ATP2B2: variants seen among roughly 807,000 people sequenced by gnomAD.
ATP2B2 encodes the protein ATPase plasma membrane Ca2+ transporting 2.
Under a neutral mutation model 120.0 loss-of-function variants are expected in ATP2B2, and 15 were observed. The ratio of observed to expected loss-of-function variants is 0.12; its 90% confidence interval spans 0.08 to 0.19. The LOEUF is 0.19. ATP2B2 is among the 10% of genes least tolerant of loss of function. The pLI is 1.00. For synonymous variants in ATP2B2, 694 were observed against 700.3 expected (o/e 0.99, Z 0.14); for missense variants, 1,045 against 1,719.8 (o/e 0.61, Z 6.94).
intron 1 of ATP2B2, among the ~76,000 whole-genome samples, chr3:10,496,484 C>G (rs890335954): frequency 6.6e-6 from 1 of 152,232 alleles, no homozygotes; most frequent in Non-Finnish European, 1.5e-5. Context: ...AGAGCCAAAC[C>G]TGGGGCGCAG....
At chr3:10,488,188 T>G (rs1190194625) in intron 1 of ATP2B2, among the ~76,000 whole-genome samples, 2 of 145,658 alleles carry the variant, frequency 1.4e-5, no homozygotes, top group Non-Finnish European at 3.0e-5. Context: ...CACCCATCTA[T>G]CCATCCACCC....
chr3:10,542,171 T>C (rs2067454757), intron 2 of ATP2B2, among the ~76,000 whole-genome samples: 1 of 152,216 alleles, frequency 6.6e-6, no homozygotes, highest in South Asian at 2.1e-4. Context: ...GTAGCTAGCA[T>C]GTAGTCAGTC....
At chr3:10,421,311 G>A (rs1285886211) in intron 2 of ATP2B2, among the ~76,000 whole-genome samples, 1 of 152,144 alleles carries the variant, frequency 6.6e-6, no homozygotes, top group Non-Finnish European at 1.5e-5. Flanking sequence ...AGCCTGGGTC[G>A]ACTGTTCCTT....
At position 10,449,721 on chromosome 3, in the gene ATP2B2, G is replaced by A; in HGVS notation, c.-178C>T. On this transcript the variant is annotated 5_prime_UTR_variant, in exon 2 of 23. Transcript: ENST00000360273. Reference sequence around the variant, plus strand: ...CCGAGGCGGGCTGGTGACAGTGGTGGTGAGCTCCAAGAGGTGTCCTCCGGT... The same window carrying A: ...CCGAGGCGGGCTGGTGACAGTGGTGATGAGCTCCAAGAGGTGTCCTCCGGT... 2.7e-6 allele frequency: 2 copies of A among 730,458 alleles called. No homozygotes were observed. The highest frequency in any genetic ancestry group is 2.7e-5 in the East Asian group (1 of 37,324). The allele number at this position is 730,458 out of a possible 1,614,324, so 45.2% of individuals were successfully genotyped here. A position where few individuals can be genotyped will look rare whatever the true frequency, so the allele number is the denominator to read the frequency against.
In ATP2B2 at chr3:10,666,948, G is replaced by A. The variant is rs137889305; in HGVS notation, c.-460+40967C>T. On this transcript the variant is annotated intron_variant, in intron 1 of 21. Transcript: ENST00000646379. ...GATGTTTTCCAGGCTTCCCACTTTA[G>A]TGGAGTTACCAGGCAACCAGGACTA... is the stretch of plus-strand genomic sequence containing the variant. Among the ~76,000 whole-genome samples, 474 of 152,340 alleles carry A rather than the reference G, an allele frequency of 3.1e-3. 1 individual carries two copies. The highest frequency in any genetic ancestry group is 4.8e-3 in the Non-Finnish European group (325 of 68,034).
intron 1 of ATP2B2, among the ~76,000 whole-genome samples, chr3:10,703,044 T>TTA (rs2071842411): frequency 2.6e-5 from 4 of 152,160 alleles, no homozygotes; most frequent in Admixed American, 2.0e-4. Flanking sequence ...TTACAGACGG[T>TTA]TATATATGAG....
Position 10,402,026 on chromosome 3 carries a change from C to G in ATP2B2, c.655+65G>C. On this transcript the variant is annotated intron_variant, in intron 4 of 22. Coordinates refer to ENST00000360273, the MANE Select transcript of ATP2B2 (RefSeq NM_001001331.4). The surrounding 1 kb of genome is among the most constrained non-coding windows in gnomAD (Gnocchi z 4.9). ...CCTTGAGCCAATCTCTTTGCATCAG[C>G]CTGGCCTGTCCCACCTCTGCCGGAA... 6.2e-7 allele frequency: 1 copy of G among 1,604,226 alleles called. No individual in the cohort carries two copies. The highest frequency in any genetic ancestry group is 8.5e-7 in the Non-Finnish European group (1 of 1,179,430).
chr3:10,377,518 G>T (rs1306921862), intron 10 of ATP2B2, among the ~76,000 whole-genome samples: 1 of 152,240 alleles, frequency 6.6e-6, no homozygotes, highest in Non-Finnish European at 1.5e-5. Context: ...ACCCGGGAGG[G>T]GAAGCCTAGG....
intron 3 of ATP2B2, among the ~76,000 whole-genome samples, chr3:10,531,314 G>A (rs187417217): frequency 2.6e-5 from 4 of 152,206 alleles, no homozygotes; most frequent in African/African-American, 7.2e-5. Flanking sequence ...GACAGTGCCG[G>A]GTCAGAGTGC....
intron 22 of ATP2B2, among the ~76,000 whole-genome samples, chr3:10,335,138 T>G (rs1419568895): frequency 6.6e-6 from 1 of 151,776 alleles, no homozygotes; most frequent in African/African-American, 2.4e-5. Context: ...AGGAGGGAGA[T>G]GAAGGAGGGG....
chr3:10,595,709 T>C (rs186843539), intron 2 of ATP2B2, among the ~76,000 whole-genome samples: 1 of 152,342 alleles, frequency 6.6e-6, no homozygotes, highest in East Asian at 1.9e-4. Flanking sequence ...TGCTTGGAAA[T>C]TTTGTTTTGA....
At chr3:10,619,463 T>C (rs2069486590) in intron 2 of ATP2B2, among the ~76,000 whole-genome samples, 1 of 152,190 alleles carries the variant, frequency 6.6e-6, no homozygotes, top group South Asian at 2.1e-4. Flanking sequence ...CGTTAAAAGA[T>C]ACTGACGTGT....
At chr3:10,344,584 C>T (rs1450809548) in intron 18 of ATP2B2, among the ~76,000 whole-genome samples, 1 of 152,196 alleles carries the variant, frequency 6.6e-6, no homozygotes, top group African/African-American at 2.4e-5. Flanking sequence ...GAGTGTTGGG[C>T]CTTGGGGATC....
Position 10,372,456 on chromosome 3 carries a change from T to C in ATP2B2, c.1417-405A>G, listed in dbSNP as rs184669702. 2.3e-3 allele frequency among the ~76,000 whole-genome samples: 347 copies of C among 152,348 alleles called. 5 individuals carry two copies. The highest frequency in any genetic ancestry group is 7.7e-3 in the African/African-American group (321 of 41,588). Reference sequence around the variant, plus strand: ...TTGGTCATGAATTTTCTCAAACCTATTATCTTTCACTGGCGCCTGGCTTTC... The same window carrying C: ...TTGGTCATGAATTTTCTCAAACCTACTATCTTTCACTGGCGCCTGGCTTTC... On this transcript the variant is annotated intron_variant, in intron 11 of 22. Transcript: ENST00000360273.
intron 2 of ATP2B2, among the ~76,000 whole-genome samples, chr3:10,576,285 C>A (rs998838310): frequency 1.3e-5 from 2 of 152,144 alleles, no homozygotes; most frequent in South Asian, 2.1e-4. Context: ...GCTTCTCCTG[C>A]GGCCTCACTC....
At chr3:10,428,866 G>A (rs1302924777) in intron 2 of ATP2B2, among the ~76,000 whole-genome samples, 1 of 152,192 alleles carries the variant, frequency 6.6e-6, no homozygotes, top group Non-Finnish European at 1.5e-5. Flanking sequence ...CAGCCTCACC[G>A]GGCCAGCTGT....
intron 1 of ATP2B2, among the ~76,000 whole-genome samples, chr3:10,688,002 T>A (rs192013140): frequency 9.3e-4 from 141 of 152,328 alleles, no homozygotes; most frequent in Non-Finnish European, 1.5e-3. Context: ...GTTTTGATAT[T>A]ATATATATAA....
intron 1 of ATP2B2, among the ~76,000 whole-genome samples, chr3:10,478,038 C>T (rs182112551): frequency 1.3e-3 from 202 of 152,312 alleles, no homozygotes; most frequent in African/African-American, 4.7e-3. Flanking sequence ...CACGTTCTGG[C>T]CAATACCTAT....
chr3:10,669,905 C>A (rs748947405), intron 1 of ATP2B2, among the ~76,000 whole-genome samples: 1 of 152,150 alleles, frequency 6.6e-6, no homozygotes, highest in Non-Finnish European at 1.5e-5. Flanking sequence ...AGGTAAAAGC[C>A]AAAGTTAATC....
Sources: allele counts gnomAD v4.1 joint callset (sites outside exome capture counted in the v4.1 genomes callset), GRCh38; gene constraint gnomAD v4.1.1; non-coding constraint Gnocchi (gnomAD v3.1); transcripts MANE v1.5; gene names NCBI Gene and HGNC (gene_info 2026-07-23, HGNC 2026-07-21).